The following MINK1 variants were observed in gnomAD, a reference collection of about 807,000 sequenced individuals.
MINK1 encodes the protein misshapen like kinase 1.
In MINK1, 46 loss-of-function variants were observed where a neutral mutation model predicts 178.4. That is an observed-to-expected ratio of 0.26 (90% CI 0.20 to 0.33). MINK1 has a LOEUF of 0.33. Among genes scored for constraint, MINK1 ranks in the 10% least tolerant of loss-of-function variants. The pLI, the probability that MINK1 is intolerant of heterozygous loss-of-function variation, is 1.00. For synonymous variants in MINK1, 797 were observed against 709.7 expected (o/e 1.12, Z -1.96); for missense variants, 1,366 against 1,814.9 (o/e 0.75, Z 4.49).
chr17:4,873,617 CTTTTTTTTTTTT>C (rs71367860), intron 1 of MINK1, among the ~76,000 whole-genome samples: 5 of 108,086 alleles, frequency 4.6e-5, no homozygotes, highest in African/African-American at 1.8e-4. Context: ...TTTTTCTTTT[CTTTTTTTTTTTT>C]TTTTTTTGAG....
At position 4,891,395 on chromosome 17, in the gene MINK1, A is replaced by G. The variant is rs1030298209; in HGVS notation, c.1741-61A>G. On this transcript the variant is annotated intron_variant, in intron 15 of 31. Transcript: ENST00000355280. ...AAGTCCTTTCCCACCCCAGACCCCAATTCGCAGGTGGGGATGTGCCATGGA... is the reference window on the plus strand; with the variant it reads ...AAGTCCTTTCCCACCCCAGACCCCAGTTCGCAGGTGGGGATGTGCCATGGA... 6.6e-6 allele frequency: 10 copies of G among 1,504,994 alleles called. 1 individual carries two copies. The highest frequency in any genetic ancestry group is 2.7e-5 in the South Asian group (2 of 73,436). The allele number at this position is 1,504,994 out of a possible 1,614,324, so 93.2% of individuals were successfully genotyped here. A position where few individuals can be genotyped will look rare whatever the true frequency, so the allele number is the denominator to read the frequency against.
chr17:4,880,840 C>G, intron 2 of MINK1, 144 bp from the exon 3 acceptor site: 1 of 679,240 alleles, frequency 1.5e-6, no homozygotes. Flanking sequence ...GTGGAGCAGG[C>G]AGTGAGCCGA....
chr17:4,871,682 A>G (rs1188285479), intron 1 of MINK1, among the ~76,000 whole-genome samples: 1 of 152,184 alleles, frequency 6.6e-6, no homozygotes, highest in Non-Finnish European at 1.5e-5. Flanking sequence ...TTTCTTGAGT[A>G]TCTACCTAGA....
At chr17:4,864,569 A>G (rs531412844) in intron 1 of MINK1, among the ~76,000 whole-genome samples, 3 of 149,266 alleles carry the variant, frequency 2.0e-5, no homozygotes, top group Non-Finnish European at 4.5e-5. Flanking sequence ...TACTAAAAAT[A>G]CAAAAATTAG....
At chr17:4,874,009 C>T (rs773039553) in intron 1 of MINK1, among the ~76,000 whole-genome samples, 14 of 152,196 alleles carry the variant, frequency 9.2e-5, no homozygotes, top group Non-Finnish European at 1.8e-4. Context: ...CACAGAGGCA[C>T]ACGACTAGTG....
chr17:4,896,898 G>A lies in MINK1; in HGVS notation c.3915+85G>A. 6.8e-7 allele frequency: 1 copy of A among 1,472,052 alleles called. No individual in the cohort carries two copies. 91.2% of individuals were successfully genotyped at this position (1,472,052 alleles called of 1,614,324 possible). ...TGGGCAGAGTTCTGGGGAGAGGATG[G>A]TGGTGGTGGCTTCCTGAAAGCGGGC... On this transcript the variant is annotated intron_variant, in intron 31 of 31. Coordinates refer to ENST00000355280, the MANE Select transcript of MINK1 (RefSeq NM_153827.5). The surrounding 1 kb of genome is among the most constrained non-coding windows in gnomAD (Gnocchi z 4.6).
intron 17 of MINK1, 78 bp from the exon 18 acceptor site, chr17:4,892,324 T>C: frequency 6.8e-7 from 1 of 1,460,288 alleles, no homozygotes; most frequent in Non-Finnish European, 9.3e-7. Context: ...CCTACCCGCC[T>C]GGGGGTGGGA....
At chr17:4,891,321 C>T (rs1968790678) in intron 15 of MINK1, 135 bp from the exon 16 acceptor site, 2 of 1,300,344 alleles carry the variant, frequency 1.5e-6, no homozygotes, top group South Asian at 1.6e-5. Flanking sequence ...ACTTAGCTGT[C>T]ATCAGGCTCA....
chr17:4,857,030 G>T, intron 1 of MINK1: 1 of 186,840 alleles, frequency 5.4e-6, no homozygotes, highest in Non-Finnish European at 1.1e-5. Context: ...GCTGGGCAGT[G>T]CCACACTTGC....
chr17:4,897,588 A>G lies in MINK1; in HGVS notation c.*301A>G. The G allele has an allele frequency of 3.0e-6, 1 of 337,928 alleles. No homozygotes were observed. The highest frequency in any genetic ancestry group is 5.5e-6 in the Non-Finnish European group (1 of 182,114). The allele number at this position is 337,928 out of a possible 1,614,324, so 20.9% of individuals were successfully genotyped here. Reference sequence around the variant, plus strand: ...TCCCCCCTTTTCTCCATTTGAGAGGAGAGTGCTTGGGGCTTGAACCCCTTA... The same window carrying G: ...TCCCCCCTTTTCTCCATTTGAGAGGGGAGTGCTTGGGGCTTGAACCCCTTA... On this transcript the variant is annotated 3_prime_UTR_variant, in exon 32 of 32. Coordinates refer to ENST00000355280, the MANE Select transcript of MINK1 (RefSeq NM_153827.5).
chr17:4,885,341 G>C lies in MINK1; in HGVS notation c.509-142G>C. 4 of 1,070,050 alleles carry C rather than the reference G, an allele frequency of 3.7e-6. No homozygotes were observed. The highest frequency in any genetic ancestry group is 2.4e-5 in the East Asian group (1 of 41,276). 66.3% of individuals were successfully genotyped at this position (1,070,050 alleles called of 1,614,324 possible). On this transcript the variant is annotated intron_variant, in intron 6 of 31. Coordinates refer to ENST00000355280, the MANE Select transcript of MINK1 (RefSeq NM_153827.5). This position sits in a 1 kb window ranked among gnomAD's most constrained non-coding sequence, Gnocchi z 5.0. ...GAATCGGGTTCTTCAGGATGGTGGT[G>C]GGGTAAAGGAGGGTGCTGGGGTGTC... is the stretch of plus-strand genomic sequence containing the variant.
Position 4,886,843 on chromosome 17 carries a change from G to A in MINK1, c.949+217G>A, listed in dbSNP as rs895187980. Among the ~76,000 whole-genome samples, 3 of 152,146 alleles carry A rather than the reference G, an allele frequency of 2.0e-5. No homozygotes were observed. Among genetic ancestry groups the A allele is most frequent in the African/African-American group, 7.2e-5 (3 of 41,418 alleles). ...CCTTCCAAAGGAGGACCGGCCTTTC[G>A]CATCCTTACAAAAACTCCATGCTAA... On this transcript the variant is annotated intron_variant, in intron 10 of 31. Transcript: ENST00000355280. The surrounding 1 kb of genome is among the most constrained non-coding windows in gnomAD (Gnocchi z 6.1).
Position 4,854,567 on chromosome 17 carries a change from G to A in MINK1, c.57+20927G>A, listed in dbSNP as rs571882819. Among the ~76,000 whole-genome samples the A allele has an allele frequency of 2.0e-5, 3 of 152,342 alleles. No individual in the cohort carries two copies. The South Asian group carries it at 6.2e-4, about 32-fold the overall frequency. On this transcript the variant is annotated intron_variant, in intron 1 of 31. Coordinates refer to ENST00000355280, the MANE Select transcript of MINK1 (RefSeq NM_153827.5). ...CCTCTGCATGTACCTGCAAGTCAGT[G>A]TGTGTGTGCATGCGTGTGTCTCACA...
rs770179737 is a variant in MINK1 at position 4,885,598 on chromosome 17, C to T, written c.624C>T (p.Ala208=). ...TCGCCTGTGATGAGAACCCTGATGC[C>T]ACCTATGATTACAGGGTATGGAGTG... is the stretch of plus-strand genomic sequence containing the variant. ...EVIACDENPD[A]TYDYRSDIWS... Residue 208 remains alanine, a synonymous_variant, in exon 7 of 32, where the codon GCC becomes GCT. Coordinates refer to ENST00000355280, the MANE Select transcript of MINK1 (RefSeq NM_153827.5). This position sits in a 1 kb window ranked among gnomAD's most constrained non-coding sequence, Gnocchi z 5.0. 2 of 1,613,988 alleles carry T rather than the reference C, an allele frequency of 1.2e-6. No individual in the cohort carries two copies. Among genetic ancestry groups the T allele is most frequent in the South Asian group, 2.2e-5 (2 of 91,086 alleles).
rs369158263 is a variant in MINK1, at chr17:4,869,176, G to A, written c.58-9141G>A. On this transcript the variant is annotated intron_variant, in intron 1 of 31. Coordinates refer to ENST00000355280, the MANE Select transcript of MINK1 (RefSeq NM_153827.5). ...CCTGACCTCATGATCTGCCTGCCTCGGCCTCCCAAAGTGCTGGGATTACAG... is the reference window on the plus strand; with the variant it reads ...CCTGACCTCATGATCTGCCTGCCTCAGCCTCCCAAAGTGCTGGGATTACAG... Among the ~76,000 whole-genome samples the A allele has an allele frequency of 5.9e-5, 9 of 151,634 alleles. No homozygotes were observed. In the East Asian group the frequency reaches 7.8e-4, roughly 13 times the overall value.
At chr17:4,862,692 CACTT>C (rs1277087301) in intron 1 of MINK1, among the ~76,000 whole-genome samples, 1 of 151,238 alleles carries the variant, frequency 6.6e-6, no homozygotes, top group Non-Finnish European at 1.5e-5. Context: ...GTGTGTAAAA[CACTT>C]AGCACAGTGC....
chr17:4,863,898 T>G (rs1342231686), intron 1 of MINK1, among the ~76,000 whole-genome samples: 2 of 152,080 alleles, frequency 1.3e-5, no homozygotes, highest in Non-Finnish European at 2.9e-5. Flanking sequence ...CAAGAGATTC[T>G]CCTGCCTCAG....
In MINK1 at chr17:4,885,035, C is replaced by G. The variant is rs1408164770; in HGVS notation, c.508+33C>G. 6.2e-7 allele frequency: 1 copy of G among 1,603,744 alleles called. No homozygotes were observed. Among genetic ancestry groups the G allele is most frequent in the Non-Finnish European group, 8.5e-7 (1 of 1,171,414 alleles). On this transcript the variant is annotated intron_variant, in intron 6 of 31. Coordinates refer to ENST00000355280, the MANE Select transcript of MINK1 (RefSeq NM_153827.5). The surrounding 1 kb of genome is among the most constrained non-coding windows in gnomAD (Gnocchi z 5.0). The stretch of plus-strand genomic sequence containing the variant: ...GGCTCCTTCTGAGGCTGACGAGGAC[C>G]TTTCACCTCCAGAACAGAGAATGAG...
At chr17:4,859,873 A>C (rs1411165604) in intron 1 of MINK1, among the ~76,000 whole-genome samples, 2 of 150,716 alleles carry the variant, frequency 1.3e-5, no homozygotes, top group African/African-American at 2.5e-5. Flanking sequence ...TAAAAAAAAA[A>C]CCTTTACCCC....
Sources: allele counts gnomAD v4.1 joint callset (sites outside exome capture counted in the v4.1 genomes callset), GRCh38; gene constraint gnomAD v4.1.1; non-coding constraint Gnocchi (gnomAD v3.1); transcripts MANE v1.5; gene names NCBI Gene and HGNC (gene_info 2026-07-23, HGNC 2026-07-21).